CCDC136: variants seen among roughly 807,000 people sequenced by gnomAD.
The protein encoded by CCDC136 is coiled-coil domain-containing protein 136.
CCDC136 carries 100 observed loss-of-function variants against 141.2 expected under a neutral mutation model. The observed-to-expected ratio is 0.71, with a 90% CI of 0.60 to 0.84. The LOEUF (loss-of-function observed/expected upper bound fraction) is 0.84. Among genes scored for constraint, CCDC136 ranks in the 40% least tolerant of loss-of-function variants. The pLI, the probability that CCDC136 is intolerant of heterozygous loss-of-function variation, is 0.00. For missense variants in CCDC136, 1,206 were observed against 1,379.4 expected, an observed-to-expected ratio of 0.87 and a Z score of 1.99; for synonymous variants, 474 against 531.9, an observed-to-expected ratio of 0.89 and a Z score of 1.50.
At chr7:128,811,221 C>T (rs1366586375) in intron 12 of CCDC136, 1 of 444,996 alleles carries the variant, frequency 2.2e-6, no homozygotes, top group South Asian at 1.6e-5. Context: ...CTGGGTAACA[C>T]AGCTGGGAAC....
intron 17 of CCDC136, among the ~76,000 whole-genome samples, chr7:128,818,885 CTT>C (rs1213437210): frequency 6.6e-6 from 1 of 152,220 alleles, no homozygotes; most frequent in African/African-American, 2.4e-5. Context: ...ACTCCCCTCT[CTT>C]CTCACATTCC....
rs1195951769 is a variant in CCDC136, at chr7:128,817,799, T to C, written c.3405T>C (p.Leu1135=). 1.2e-6 allele frequency: 2 copies of C among 1,613,936 alleles called. No homozygotes were observed. The highest frequency in any genetic ancestry group is 1.7e-6 in the Non-Finnish European group (2 of 1,179,862). Residue 1135 remains leucine (L), a synonymous_variant, in exon 17 of 18, where the codon CTT becomes CTC. Transcript: ENST00000297788. This position sits in a 1 kb window ranked among gnomAD's most constrained non-coding sequence, Gnocchi z 4.6. ...ATCCCCCCATCTTCTCCTTGCCTCTTGTAGGCCTGGTGGTCATCTCGGCTT... is the reference window on the plus strand; with the variant it reads ...ATCCCCCCATCTTCTCCTTGCCTCTCGTAGGCCTGGTGGTCATCTCGGCTT... ...TPNPPIFSLP[L]VGLVVISALL... is the part of the protein sequence containing the mutation.
upstream of CCDC136, chr7:128,791,922 C>A: frequency 3.3e-6 from 2 of 604,726 alleles, no homozygotes; most frequent in Non-Finnish European, 4.6e-6. This position sits in a 1 kb window ranked among gnomAD's most constrained non-coding sequence, Gnocchi z 7.1. Context: ...GGGAGGGGAG[C>A]GGTCGCAGCC....
In CCDC136 at chr7:128,822,016, A is replaced by G. The variant is rs1025464440; in HGVS notation, c.*223A>G. The stretch of plus-strand genomic sequence containing the variant: ...CTCCCCATATGTTCCATGTGTCCCC[A>G]TCTCCTCAGCCTCAGTCACCCAGGC... On this transcript the variant is annotated 3_prime_UTR_variant, in exon 18 of 18. Coordinates refer to ENST00000297788, the MANE Select transcript of CCDC136 (RefSeq NM_022742.5). 2.4e-6 allele frequency: 3 copies of G among 1,239,756 alleles called. No homozygotes were observed. In the South Asian group the frequency reaches 4.1e-5, roughly 17 times the overall value. 76.8% of individuals were successfully genotyped at this position (1,239,756 alleles called of 1,614,324 possible).
chr7:128,791,763 G>A, upstream of CCDC136: 1 of 406,228 alleles, frequency 2.5e-6, no homozygotes, highest in Non-Finnish European at 4.3e-6. The surrounding 1 kb of genome is among the most constrained non-coding windows in gnomAD (Gnocchi z 7.1). Flanking sequence ...CCTGCCTGGT[G>A]GTCCCTCCCC....
At chr7:128,791,663 C>A, upstream of CCDC136, 3 of 672,090 alleles carry the variant, frequency 4.5e-6, no homozygotes, top group South Asian at 7.0e-5. This position sits in a 1 kb window ranked among gnomAD's most constrained non-coding sequence, Gnocchi z 7.1. Context: ...TTTCTCCGCC[C>A]AAAGTCTTCC....
At chr7:128,806,621 G>A in intron 8 of CCDC136, 67 bp from the exon 9 acceptor site, 1 of 1,422,032 alleles carries the variant, frequency 7.0e-7, no homozygotes, top group Non-Finnish European at 9.6e-7. Flanking sequence ...GTCTTCAAGT[G>A]ACTCACACAG....
rs376842535 is a variant in CCDC136, at chr7:128,794,632, G to A, written c.271+30G>A. The A allele has an allele frequency of 3.4e-4, 520 of 1,527,988 alleles. No individual in the cohort carries two copies. Among genetic ancestry groups the A allele is most frequent in the Non-Finnish European group, 4.3e-4 (486 of 1,136,406 alleles). The allele number at this position is 1,527,988 out of a possible 1,614,324, so 94.7% of individuals were successfully genotyped here. On this transcript the variant is annotated intron_variant, in intron 2 of 17. Coordinates refer to ENST00000297788, the MANE Select transcript of CCDC136 (RefSeq NM_022742.5). The surrounding 1 kb of genome is among the most constrained non-coding windows in gnomAD (Gnocchi z 4.3). Reference sequence around the variant, plus strand: ...GTGCCTGGGCCAGGGCCCAGTGCCCGGGCCCAGAGGCTCTGCACTCCCCTG... The same window carrying A: ...GTGCCTGGGCCAGGGCCCAGTGCCCAGGCCCAGAGGCTCTGCACTCCCCTG...
intron 3 of CCDC136, among the ~76,000 whole-genome samples, chr7:128,796,739 A>ATTTTTTTTTT (rs1554377202): frequency 1.8e-5 from 2 of 113,384 alleles, no homozygotes; most frequent in Non-Finnish European, 3.3e-5. Context: ...ATATATATAT[A>ATTTTTTTTTT]TTCTTTTTTT....
At chr7:128,815,486 C>T (rs902297513) in intron 15 of CCDC136, 128 bp from the exon 16 acceptor site, 3 of 1,042,100 alleles carry the variant, frequency 2.9e-6, no homozygotes, top group Non-Finnish European at 4.1e-6. Context: ...AGTCCCAGAG[C>T]ACCGGGCCAC....
rs1804713283 is a variant in CCDC136, at chr7:128,805,633, T to C, written c.948+109T>C. The C allele has an allele frequency of 5.9e-6, 9 of 1,519,550 alleles. No individual in the cohort carries two copies. The Admixed American group carries it at 1.6e-4, about 27-fold the overall frequency. 94.1% of individuals were successfully genotyped at this position (1,519,550 alleles called of 1,614,324 possible). A position where few individuals can be genotyped will look rare whatever the true frequency, so the allele number is the denominator to read the frequency against. ...AGGCATCCACTGTGGAGGGAGATAG[T>C]ACTCTGGGGTCTCACTTGCCTGATG... is the stretch of plus-strand genomic sequence containing the variant. On this transcript the variant is annotated intron_variant, in intron 6 of 17. Coordinates refer to ENST00000297788, the MANE Select transcript of CCDC136 (RefSeq NM_022742.5). This position sits in a 1 kb window ranked among gnomAD's most constrained non-coding sequence, Gnocchi z 4.6.
upstream of CCDC136, chr7:128,791,470 C>A: frequency 2.3e-6 from 3 of 1,318,474 alleles, no homozygotes; most frequent in South Asian, 2.2e-5. The surrounding 1 kb of genome is among the most constrained non-coding windows in gnomAD (Gnocchi z 7.1). Context: ...CTCAGGGAGG[C>A]GGAAGGCGGC....
chr7:128,806,886 T>G (rs1313095620), intron 9 of CCDC136, 28 bp downstream of exon 9: 10 of 1,572,824 alleles, frequency 6.4e-6, no homozygotes, highest in Non-Finnish European at 6.9e-6. Flanking sequence ...TGAGGGAGGA[T>G]GTAGCCAGGC....
Position 128,805,710 on chromosome 7 carries a change from C to T in CCDC136, c.949-51C>T. On this transcript the variant is annotated intron_variant, in intron 6 of 17. Transcript: ENST00000297788. The surrounding 1 kb of genome is among the most constrained non-coding windows in gnomAD (Gnocchi z 4.6). ...GCTTTCCCCAAGCTTGTTCTTGGAGCATATGTGGTATCTGTAGTAAACAAG... is the reference window on the plus strand; with the variant it reads ...GCTTTCCCCAAGCTTGTTCTTGGAGTATATGTGGTATCTGTAGTAAACAAG... 2 of 1,602,584 alleles carry T rather than the reference C, an allele frequency of 1.2e-6. No individual in the cohort carries two copies. The highest frequency in any genetic ancestry group is 1.7e-6 in the Non-Finnish European group (2 of 1,173,054).
At chr7:128,816,208 C>T (rs930218753) in intron 16 of CCDC136, among the ~76,000 whole-genome samples, 8 of 152,234 alleles carry the variant, frequency 5.3e-5, no homozygotes, top group Non-Finnish European at 1.0e-4. Context: ...CTTTCATTTA[C>T]GTAGTAGCCT....
Position 128,792,401 on chromosome 7 carries a change from A to T in CCDC136, c.-11A>T. Reference sequence around the variant, plus strand: ...AAGGGCCAACGCTGGGGGTCCCTGGAACGACGGGGGATGCAAGCTATGGAG... The same window carrying T: ...AAGGGCCAACGCTGGGGGTCCCTGGTACGACGGGGGATGCAAGCTATGGAG... On this transcript the variant is annotated 5_prime_UTR_variant, in exon 1 of 18. Transcript: ENST00000297788. 1 of 1,610,244 alleles carries T rather than the reference A, an allele frequency of 6.2e-7. No individual in the cohort carries two copies. The highest frequency in any genetic ancestry group is 8.5e-7 in the Non-Finnish European group (1 of 1,178,376).
rs1802585376 is a variant in CCDC136 at position 128,794,057 on chromosome 7, C to A, written c.17-291C>A. ...CCTAGAAGAAGCAGGTAATCCTGTG[C>A]AAGTGTCTCATGGCTGAGCGGGCAC... On this transcript the variant is annotated intron_variant, in intron 1 of 17. Coordinates refer to ENST00000297788, the MANE Select transcript of CCDC136 (RefSeq NM_022742.5). The surrounding 1 kb of genome is among the most constrained non-coding windows in gnomAD (Gnocchi z 4.3). Among the ~76,000 whole-genome samples, 1 of 152,230 alleles carries A rather than the reference C, an allele frequency of 6.6e-6. No homozygotes were observed. Among genetic ancestry groups the A allele is most frequent in the African/African-American group, 2.4e-5 (1 of 41,458 alleles).
At position 128,812,659 on chromosome 7, in the gene CCDC136, A is replaced by G. The variant is rs779617975; in HGVS notation, c.2542-49A>G. ...GGAAGGGCCCAGCAGAGTAGGGCGG[A>G]GCTTAGGTGCTCCTCAGGGTGCTAT... On this transcript the variant is annotated intron_variant, in intron 13 of 17. Coordinates refer to ENST00000297788, the MANE Select transcript of CCDC136 (RefSeq NM_022742.5). 4 of 1,433,358 alleles carry G rather than the reference A, an allele frequency of 2.8e-6. No individual in the cohort carries two copies. The African/African-American group carries it at 5.6e-5, about 20-fold the overall frequency. 88.8% of individuals were successfully genotyped at this position (1,433,358 alleles called of 1,614,324 possible). A position where few individuals can be genotyped will look rare whatever the true frequency, so the allele number is the denominator to read the frequency against.
intron 17 of CCDC136, among the ~76,000 whole-genome samples, chr7:128,818,536 T>C (rs902730221): frequency 6.6e-6 from 1 of 152,220 alleles, no homozygotes; most frequent in Non-Finnish European, 1.5e-5. Context: ...TGCCGGGAAA[T>C]TTTATTAGTT....
Sources: gnomAD v4.1 joint callset for allele counts (sites outside exome capture counted in the v4.1 genomes callset) on GRCh38, gnomAD v4.1.1 for gene constraint, Gnocchi (gnomAD v3.1) non-coding constraint, MANE v1.5 for transcripts, NCBI Gene and HGNC (gene_info 2026-07-23, HGNC 2026-07-21) for gene names.